CREB5: variants seen among roughly 807,000 people sequenced by gnomAD.
CREB5 encodes the protein cAMP responsive element binding protein 5.
A neutral mutation model predicts 57.1 loss-of-function variants in CREB5; 19 were observed. The ratio of observed to expected loss-of-function variants is 0.33; its 90% confidence interval spans 0.23 to 0.49. CREB5 has a LOEUF of 0.49. Among genes scored for constraint, CREB5 ranks in the 20% least tolerant of loss-of-function variants. The pLI is 0.99. For synonymous variants in CREB5, 238 were observed against 238.3 expected, an observed-to-expected ratio of 1.00 and a Z score of 0.01; for missense variants, 579 against 671.6, an observed-to-expected ratio of 0.86 and a Z score of 1.52.
chr7:28,611,070 AT>A (rs1797365562), intron 5 of CREB5, among the ~76,000 whole-genome samples: 1 of 152,154 alleles, frequency 6.6e-6, no homozygotes, highest in Admixed American at 6.5e-5. Flanking sequence ...GAGAGGAAAT[AT>A]GTCTTCCTCT....
chr7:28,624,650 T>C (rs888802042), intron 5 of CREB5, among the ~76,000 whole-genome samples: 17 of 150,128 alleles, frequency 1.1e-4, no homozygotes, highest in African/African-American at 4.2e-4. Flanking sequence ...TTGTACTTCG[T>C]TTTTCCTTGT....
At chr7:28,517,396 T>G (rs1793013849) in intron 4 of CREB5, among the ~76,000 whole-genome samples, 1 of 152,188 alleles carries the variant, frequency 6.6e-6, no homozygotes, top group Non-Finnish European at 1.5e-5. Context: ...GAACTGGGAT[T>G]CCGAGCATTC....
At chr7:28,334,392 A>G (rs1408370862) in intron 1 of CREB5, among the ~76,000 whole-genome samples, 1 of 152,090 alleles carries the variant, frequency 6.6e-6, no homozygotes, top group African/African-American at 2.4e-5. Context: ...CCTGACCTCA[A>G]GTGATCTGCC....
intron 7 of CREB5, among the ~76,000 whole-genome samples, chr7:28,737,538 CG>C (rs1804057780): frequency 6.3e-5 from 3 of 47,910 alleles, no homozygotes; most frequent in South Asian, 1.4e-3. Context: ...TATATATATA[CG>C]TATATATATA....
chr7:28,758,405 C>G (rs1344896430), intron 7 of CREB5, among the ~76,000 whole-genome samples: 1 of 152,074 alleles, frequency 6.6e-6, no homozygotes, highest in Admixed American at 6.6e-5. Context: ...TTGGCTGAGT[C>G]TATGTCATGT....
intron 1 of CREB5, among the ~76,000 whole-genome samples, chr7:28,487,793 G>A (rs566371037): frequency 3.3e-5 from 5 of 152,178 alleles, no homozygotes; most frequent in Admixed American, 6.5e-5. Flanking sequence ...AATCCCAAAA[G>A]CTTTCAGCAG....
chr7:28,416,358 T>G (rs968435215), intron 1 of CREB5, among the ~76,000 whole-genome samples: 1 of 152,184 alleles, frequency 6.6e-6, no homozygotes, highest in African/African-American at 2.4e-5. Context: ...CAACAAAATT[T>G]TTGTTTTTGT....
At chr7:28,758,377 C>CTGT (rs925312901) in intron 7 of CREB5, among the ~76,000 whole-genome samples, 1 of 152,170 alleles carries the variant, frequency 6.6e-6, no homozygotes, top group African/African-American at 2.4e-5. Flanking sequence ...TTTGTTGTCA[C>CTGT]TGTTGTTGTT....
chr7:28,781,645 C>T (rs1044870344), intron 7 of CREB5, among the ~76,000 whole-genome samples: 1 of 152,152 alleles, frequency 6.6e-6, no homozygotes, highest in Non-Finnish European at 1.5e-5. Flanking sequence ...ATTTCTCTCA[C>T]TTTTAAAAGT....
Position 28,705,597 on chromosome 7 carries a change from A to G in CREB5, c.465-13156A>G, listed in dbSNP as rs1802069936. ...CTACCACAAATTAAAATCAGACCCCAAGTCCCTCTGGGGAAAATGTTTATT... is the reference window on the plus strand; with the variant it reads ...CTACCACAAATTAAAATCAGACCCCGAGTCCCTCTGGGGAAAATGTTTATT... On this transcript the variant is annotated intron_variant, in intron 5 of 10. Coordinates refer to ENST00000357727, the MANE Select transcript of CREB5 (RefSeq NM_182898.4). Among the ~76,000 whole-genome samples the G allele has an allele frequency of 4.6e-5, 7 of 152,294 alleles. No individual in the cohort carries two copies. In the South Asian group the frequency reaches 1.2e-3, roughly 27 times the overall value.
chr7:28,725,182 T>C, intron 7 of CREB5, among the ~76,000 whole-genome samples: 1 of 152,256 alleles, frequency 6.6e-6, no homozygotes. Flanking sequence ...TAATCTGGTC[T>C]GCTGACTGGC....
intron 4 of CREB5, among the ~76,000 whole-genome samples, chr7:28,525,065 G>A (rs1041386538): frequency 6.7e-6 from 1 of 149,148 alleles, no homozygotes; most frequent in Non-Finnish European, 1.5e-5. Flanking sequence ...TCACAAGTGA[G>A]TGAGAACACA....
rs58302393 is a variant in CREB5, at chr7:28,743,838, CTTTTTT to C, written c.702+19525_702+19530del. 1.1e-4 allele frequency among the ~76,000 whole-genome samples: 8 copies of C among 76,018 alleles called. 1 individual carries two copies. The Admixed American group carries it at 1.1e-3, about 11-fold the overall frequency. 49.9% of individuals were successfully genotyped at this position (76,018 alleles called of 152,430 possible). On this transcript the variant is annotated intron_variant, in intron 7 of 10. Coordinates refer to ENST00000357727, the MANE Select transcript of CREB5 (RefSeq NM_182898.4). ...TGTGTCTGTGTCCTAATCTCCTTTT[CTTTTTT>C]TTTTTTTTTTTTTTTTTTATTATAC... is the stretch of plus-strand genomic sequence containing the variant.
chr7:28,701,857 A>C (rs2128737687), intron 5 of CREB5, among the ~76,000 whole-genome samples: 1 of 152,356 alleles, frequency 6.6e-6, no homozygotes, highest in East Asian at 1.9e-4. Flanking sequence ...AGTATGTTTC[A>C]AATAATAAAA....
intron 5 of CREB5, among the ~76,000 whole-genome samples, chr7:28,577,537 C>A (rs1230592168): frequency 6.6e-6 from 1 of 152,156 alleles, no homozygotes; most frequent in African/African-American, 2.4e-5. Context: ...TTCTGTTACC[C>A]AGGAATTAAT....
chr7:28,474,118 G>A (rs1417315001), intron 1 of CREB5, among the ~76,000 whole-genome samples: 1 of 152,186 alleles, frequency 6.6e-6, no homozygotes. Flanking sequence ...GGCAGCTGGG[G>A]AATGAGGCTC....
intron 3 of CREB5, among the ~76,000 whole-genome samples, chr7:28,495,475 G>A (rs756706331): frequency 1.5e-4 from 22 of 151,578 alleles, no homozygotes; most frequent in Non-Finnish European, 3.1e-4. Context: ...CCGGGAGGGG[G>A]AGGTTGCAGT....
rs555989138 is a variant in CREB5 at position 28,591,248 on chromosome 7, TCA to T, written c.464+20714_464+20715del. Among the ~76,000 whole-genome samples, 10 of 152,286 alleles carry T rather than the reference TCA, an allele frequency of 6.6e-5. 1 individual carries two copies. The East Asian group carries it at 1.2e-3, about 18-fold the overall frequency. On this transcript the variant is annotated intron_variant, in intron 5 of 10. Transcript: ENST00000357727. The stretch of plus-strand genomic sequence containing the variant: ...CTGGGTCTTCCTTTGTAGCTTGAAG[TCA>T]CAGAGTGATTTATTTTTCACCCAAG...
At chr7:28,487,514 G>A (rs1583526121) in intron 1 of CREB5, among the ~76,000 whole-genome samples, 2 of 152,266 alleles carry the variant, frequency 1.3e-5, no homozygotes, top group East Asian at 3.9e-4. Flanking sequence ...TTATGTTTTT[G>A]GCATTTTTGG....
Sources: allele counts gnomAD v4.1 joint callset (sites outside exome capture counted in the v4.1 genomes callset), GRCh38; gene constraint gnomAD v4.1.1; transcripts MANE v1.5; gene names NCBI Gene and HGNC (gene_info 2026-07-23, HGNC 2026-07-21).